GPC6: variants seen among roughly 807,000 people sequenced by gnomAD.
GPC6 encodes the protein glypican-6.
GPC6 carries 14 observed loss-of-function variants against 55.2 expected under a neutral mutation model. The ratio of observed to expected loss-of-function variants is 0.25; its 90% CI spans 0.17 to 0.40. GPC6 has a LOEUF of 0.40. Among genes scored for constraint, GPC6 ranks in the 10% least tolerant of loss-of-function variants. GPC6 has a pLI of 1.00. For missense variants in GPC6, 641 were observed against 708.5 expected, an observed-to-expected ratio of 0.90 and a Z score of 1.08; for synonymous variants, 278 against 259.6, an observed-to-expected ratio of 1.07 and a Z score of -0.68.
intron 5 of GPC6, among the ~76,000 whole-genome samples, chr13:94,295,934 G>C (rs747107051): frequency 1.9e-4 from 26 of 139,120 alleles, no homozygotes; most frequent in Non-Finnish European, 3.3e-4. Context: ...CTGCCTATCA[G>C]TTCCCACTTA....
At chr13:93,833,361 A>G (rs1887605993) in intron 3 of GPC6, among the ~76,000 whole-genome samples, 1 of 152,192 alleles carries the variant, frequency 6.6e-6, no homozygotes, top group African/African-American at 2.4e-5. Flanking sequence ...TAATAAGAAT[A>G]AAATATCACA....
intron 2 of GPC6, among the ~76,000 whole-genome samples, chr13:93,642,977 CAG>C (rs1189925234): frequency 1.3e-5 from 2 of 152,048 alleles, no homozygotes; most frequent in Non-Finnish European, 2.9e-5. Context: ...CTGCAAGCCT[CAG>C]TTAAAGATAA....
intron 4 of GPC6, among the ~76,000 whole-genome samples, chr13:94,039,407 G>T (rs2138737144): frequency 6.6e-6 from 1 of 152,028 alleles, no homozygotes; most frequent in Non-Finnish European, 1.5e-5. Flanking sequence ...AGCAATAATG[G>T]TAGAGTTGGA....
intron 1 of GPC6, among the ~76,000 whole-genome samples, chr13:93,519,694 T>C (rs1377508101): frequency 6.6e-6 from 1 of 151,982 alleles, no homozygotes; most frequent in East Asian, 1.9e-4. Flanking sequence ...GACACTCCCC[T>C]CTTAGAGAAA....
intron 8 of GPC6, among the ~76,000 whole-genome samples, chr13:94,402,713 A>G (rs2139233561): frequency 6.6e-6 from 1 of 152,340 alleles, no homozygotes; most frequent in Admixed American, 6.5e-5. Flanking sequence ...CCTCAGGAAA[A>G]TTACAATCAT....
chr13:93,834,077 GATA>G (rs1409733250), intron 3 of GPC6, among the ~76,000 whole-genome samples: 5 of 152,120 alleles, frequency 3.3e-5, no homozygotes, highest in Admixed American at 6.5e-5. Context: ...GCTCACTTTA[GATA>G]ATAATCTGAA....
At chr13:93,435,812 T>G (rs989024771) in intron 1 of GPC6, among the ~76,000 whole-genome samples, 1 of 152,212 alleles carries the variant, frequency 6.6e-6, no homozygotes, top group Non-Finnish European at 1.5e-5. Context: ...AATTTTCAGC[T>G]GACTCATTCT....
chr13:93,563,506 C>T (rs896219796), intron 2 of GPC6, among the ~76,000 whole-genome samples: 54 of 151,936 alleles, frequency 3.6e-4, no homozygotes, highest in African/African-American at 1.2e-3. Flanking sequence ...CAGCCCTGGG[C>T]GCAGAGGCAG....
chr13:93,481,993 A>G (rs1420479443), intron 1 of GPC6, among the ~76,000 whole-genome samples: 1 of 152,104 alleles, frequency 6.6e-6, no homozygotes, highest in Non-Finnish European at 1.5e-5. Context: ...TCTTTGGATC[A>G]ATTTTGGAGT....
intron 2 of GPC6, among the ~76,000 whole-genome samples, chr13:93,715,448 A>G (rs1236567156): frequency 6.6e-6 from 1 of 151,418 alleles, no homozygotes; most frequent in Admixed American, 6.6e-5. Context: ...ATAGAAACTG[A>G]GTACTACTAA....
At chr13:93,315,970 T>G (rs1879233575) in intron 1 of GPC6, among the ~76,000 whole-genome samples, 1 of 152,102 alleles carries the variant, frequency 6.6e-6, no homozygotes, top group African/African-American at 2.4e-5. Flanking sequence ...ATATATGTGC[T>G]GTCTTTTGTT....
chr13:93,241,767 C>T (rs531410227), intron 1 of GPC6, among the ~76,000 whole-genome samples: 75 of 151,466 alleles, frequency 5.0e-4, no homozygotes, highest in African/African-American at 1.6e-3. Flanking sequence ...TTTCTGCTTC[C>T]TTCTCATCTG....
chr13:93,807,042 C>G (rs1886562103), intron 2 of GPC6, among the ~76,000 whole-genome samples: 1 of 152,132 alleles, frequency 6.6e-6, no homozygotes, highest in Non-Finnish European at 1.5e-5. Context: ...CTTTGCAGCT[C>G]AAATGAAACC....
intron 3 of GPC6, among the ~76,000 whole-genome samples, chr13:93,986,188 C>T (rs1017238921): frequency 3.9e-5 from 6 of 152,106 alleles, no homozygotes; most frequent in Non-Finnish European, 7.4e-5. Flanking sequence ...AGAATTTTAT[C>T]AGAATTTAAT....
At chr13:94,150,307 T>C (rs148812793) in intron 4 of GPC6, among the ~76,000 whole-genome samples, 1 of 152,280 alleles carries the variant, frequency 6.6e-6, no homozygotes, top group Non-Finnish European at 1.5e-5. Flanking sequence ...CAAGGACTGA[T>C]ATCCTTTTCC....
chr13:93,508,651 T>C (rs902803040), intron 1 of GPC6, among the ~76,000 whole-genome samples: 5 of 152,216 alleles, frequency 3.3e-5, no homozygotes, highest in Admixed American at 6.5e-5. Flanking sequence ...TGTTGAGTAT[T>C]ACATGTCCAG....
intron 1 of GPC6, among the ~76,000 whole-genome samples, chr13:93,520,649 A>G (rs1360206804): frequency 3.3e-5 from 5 of 151,958 alleles, no homozygotes. Flanking sequence ...TAATTCTTTA[A>G]TAGCATGTTC....
intron 2 of GPC6, among the ~76,000 whole-genome samples, chr13:93,733,647 T>A (rs2138839597): frequency 6.6e-6 from 1 of 152,186 alleles, no homozygotes; most frequent in East Asian, 1.9e-4. Flanking sequence ...TGATTGGTAG[T>A]CCATTCCCAT....
chr13:93,866,415 G>T (rs929020418), intron 3 of GPC6, among the ~76,000 whole-genome samples: 2 of 150,754 alleles, frequency 1.3e-5, no homozygotes, highest in African/African-American at 4.8e-5. Context: ...ACCCAGTAAT[G>T]GGCGTATGTT....
Sources: allele counts gnomAD v4.1 joint callset (sites outside exome capture counted in the v4.1 genomes callset), GRCh38; gene constraint gnomAD v4.1.1; transcripts MANE v1.5; gene names NCBI Gene and HGNC (gene_info 2026-07-23, HGNC 2026-07-21).